Variants in TREM1 observed in about 807,000 individuals in gnomAD.
TREM1 encodes triggering receptor expressed on monocytes 1.
A neutral mutation model predicts 22.4 loss-of-function variants in TREM1; 16 were observed. The ratio of observed to expected loss-of-function variants is 0.71; its 90% CI spans 0.48 to 1.08. TREM1 has a LOEUF of 1.08. TREM1 is among the 50% of genes least tolerant of loss of function. The pLI is 0.00. For synonymous variants in TREM1, 110 were observed against 111.6 expected (o/e 0.99, Z 0.09); for missense variants, 283 against 282.9 (o/e 1.00, Z 0.00).
intron 3 of TREM1, among the ~76,000 whole-genome samples, chr6:41,276,990 AC>A (rs1767696215): frequency 6.6e-6 from 1 of 152,174 alleles, no homozygotes; most frequent in African/African-American, 2.4e-5. Context: ...CTGGACAGCA[AC>A]ATGGTAACGG....
At position 41,275,799 on chromosome 6, in the gene TREM1, G is replaced by T; in HGVS notation, c.*326C>A. ...AGGAGAAGTATCAGGTGTGCCTTCTGCATGTCACAGCCCCCACAAGAGAAT... is the reference window on the plus strand; with the variant it reads ...AGGAGAAGTATCAGGTGTGCCTTCTTCATGTCACAGCCCCCACAAGAGAAT... On this transcript the variant is annotated 3_prime_UTR_variant, in exon 4 of 4. Coordinates refer to ENST00000244709, the MANE Select transcript of TREM1 (RefSeq NM_018643.5). 2.9e-6 allele frequency: 1 copy of T among 350,630 alleles called. No individual in the cohort carries two copies. The highest frequency in any genetic ancestry group is 5.4e-6 in the Non-Finnish European group (1 of 183,700). The allele number at this position is 350,630 out of a possible 1,614,324, so 21.7% of individuals were successfully genotyped here.
At chr6:41,285,188 T>A (rs1370097460) in intron 1 of TREM1, among the ~76,000 whole-genome samples, 2 of 152,164 alleles carry the variant, frequency 1.3e-5, no homozygotes, top group African/African-American at 4.8e-5. Flanking sequence ...AACTTGCCTG[T>A]CTCTCACAGA....
Position 41,280,794 on chromosome 6 carries a change from T to A in TREM1, c.599+167A>T, listed in dbSNP as rs1767874802. 1.8e-5 allele frequency: 27 copies of A among 1,474,168 alleles called. No homozygotes were observed. In the South Asian group the frequency reaches 2.5e-4, roughly 14 times the overall value. 91.3% of individuals were successfully genotyped at this position (1,474,168 alleles called of 1,614,324 possible). On this transcript the variant is annotated intron_variant, in intron 3 of 3. Transcript: ENST00000244709. ...GGCTGAGAGCCTCCCCTATTCTCCA[T>A]CACCACTTCCTTCTTCCCCTGGACA...
chr6:41,279,034 C>G (rs1223322956), intron 3 of TREM1, among the ~76,000 whole-genome samples: 1 of 152,164 alleles, frequency 6.6e-6, no homozygotes, highest in African/African-American at 2.4e-5. Context: ...CTCCCCATGC[C>G]CCAGCAGCAA....
rs1581634893 is a variant in TREM1 at position 41,282,749 on chromosome 6, G to A, written c.52C>T (p.Leu18Phe). ...GLLWMLFVSE[L>F]RAATKLTEEK... ...TCAGTTAATTTAGTTGCAGCTCGGAGTTCTATAAGCAGGGAAAGAGAATGG... is the reference window on the plus strand; with the variant it reads ...TCAGTTAATTTAGTTGCAGCTCGGAATTCTATAAGCAGGGAAAGAGAATGG... The change falls in exon 2 of 4, where the codon CTC (leucine) becomes TTC (phenylalanine). Residue 18 changes from leucine to phenylalanine, a missense_variant and splice_region_variant. By Grantham distance (22) the Leu-to-Phe change is conservative. Coordinates refer to ENST00000244709, the MANE Select transcript of TREM1 (RefSeq NM_018643.5). 3.7e-6 allele frequency: 6 copies of A among 1,611,066 alleles called. No individual in the cohort carries two copies. Among genetic ancestry groups the A allele is most frequent in the Non-Finnish European group, 5.1e-6 (6 of 1,178,366 alleles).
At chr6:41,278,649 C>T (rs1435349298) in intron 3 of TREM1, among the ~76,000 whole-genome samples, 21 of 148,220 alleles carry the variant, frequency 1.4e-4, no homozygotes, top group Admixed American at 1.3e-3. Flanking sequence ...AGAGTGAGAC[C>T]GTGTCTCAAA....
exon 4 of TREM1, chr6:41,267,946 G>A (rs542346004): frequency 1.5e-5 from 6 of 398,492 alleles, no homozygotes; most frequent in Non-Finnish European, 2.2e-5. Flanking sequence ...CAGGGCGTAG[G>A]TTTTCCTTTA....
In TREM1 at chr6:41,275,975, A is replaced by G; in HGVS notation, c.*150T>C. 7.9e-6 allele frequency: 5 copies of G among 635,080 alleles called. 1 individual carries two copies. The South Asian group carries it at 9.4e-5, about 12-fold the overall frequency. The allele number at this position is 635,080 out of a possible 1,614,324, so 39.3% of individuals were successfully genotyped here. On this transcript the variant is annotated 3_prime_UTR_variant, in exon 4 of 4. Transcript: ENST00000244709. ...AGAGGAACGAGGGCAGTGGGCAGGAAGGTGAGACGCTGACTTTAGAAATAG... is the reference window on the plus strand; with the variant it reads ...AGAGGAACGAGGGCAGTGGGCAGGAGGGTGAGACGCTGACTTTAGAAATAG...
intron 3 of TREM1, chr6:41,280,377 AATTCTG>A: frequency 1.0e-6 from 1 of 988,498 alleles, no homozygotes; most frequent in Non-Finnish European, 1.2e-6. Context: ...CATCTGCAAA[AATTCTG>A]ATTCTATTTA....
chr6:41,270,440 TTATATAATATATATATA>T (rs1319694131), downstream of TREM1, among the ~76,000 whole-genome samples: 106 of 72,374 alleles, frequency 1.5e-3, 3 homozygotes, highest in African/African-American at 5.1e-3. Context: ...ATATATGATA[TTATATAATATATATATA>T]TATATATATA....
intron 3 of TREM1, among the ~76,000 whole-genome samples, chr6:41,268,481 G>C (rs1461643088): frequency 6.6e-6 from 1 of 152,166 alleles, no homozygotes; most frequent in Non-Finnish European, 1.5e-5. Flanking sequence ...ATACCAGAAG[G>C]ACCAAGCCAT....
intron 1 of TREM1, among the ~76,000 whole-genome samples, chr6:41,283,320 C>A (rs1194658310): frequency 6.6e-6 from 1 of 152,152 alleles, no homozygotes; most frequent in African/African-American, 2.4e-5. Flanking sequence ...GGTAGCAGAG[C>A]ACCCCTTTCC....
At chr6:41,283,436 C>T (rs1038409901) in intron 1 of TREM1, among the ~76,000 whole-genome samples, 1 of 152,170 alleles carries the variant, frequency 6.6e-6, no homozygotes, top group African/African-American at 2.4e-5. Flanking sequence ...CGGGGCCAGG[C>T]ACAGTGGCTC....
Position 41,273,665 on chromosome 6 carries a change from G to T in TREM1, c.*2460C>A, listed in dbSNP as rs17701319. On this transcript the variant is annotated 3_prime_UTR_variant, in exon 4 of 4. Transcript: ENST00000244709. ...CATAGAATTTAGGGAATCCAGTAAG[G>T]GGTGCTTCAGTATGCTGAGGCTGGC... 0.064 allele frequency among the ~76,000 whole-genome samples: 9,723 copies of T among 152,310 alleles called. 368 individuals carry two copies. The highest frequency in any genetic ancestry group is 0.13 in the Middle Eastern group (39 of 294).
chr6:41,284,913 G>T (rs574769894), intron 1 of TREM1, among the ~76,000 whole-genome samples: 3 of 152,316 alleles, frequency 2.0e-5, no homozygotes, highest in Non-Finnish European at 4.4e-5. Context: ...CTCCAGTCAG[G>T]AATGTGCCTC....
intron 1 of TREM1, among the ~76,000 whole-genome samples, chr6:41,285,342 A>G (rs1468397443): frequency 6.6e-6 from 1 of 152,228 alleles, no homozygotes; most frequent in Non-Finnish European, 1.5e-5. Flanking sequence ...AGACTATCTT[A>G]TTTAATCTTT....
chr6:41,285,673 C>T (rs1768134849), intron 1 of TREM1, among the ~76,000 whole-genome samples: 1 of 152,178 alleles, frequency 6.6e-6, no homozygotes, highest in African/African-American at 2.4e-5. Flanking sequence ...AACCTTCAGC[C>T]CTCTGCCATC....
At chr6:41,271,314 G>A (rs1051809897), downstream of TREM1, among the ~76,000 whole-genome samples, 5 of 152,126 alleles carry the variant, frequency 3.3e-5, no homozygotes, top group African/African-American at 9.7e-5. Flanking sequence ...TGATACCTGT[G>A]AGTCGGTTCC....
rs192650863 is a variant in TREM1, at chr6:41,283,249, G to A, written c.50-498C>T. On this transcript the variant is annotated intron_variant, in intron 1 of 3. Transcript: ENST00000244709. ...CCTTTGGACAAACAGTGAGGAAGCC[G>A]TCTGGAGGGCATGATGGGCATGGAT... is the stretch of plus-strand genomic sequence containing the variant. Among the ~76,000 whole-genome samples, 392 of 152,348 alleles carry A rather than the reference G, an allele frequency of 2.6e-3. 2 individuals carry two copies. Among genetic ancestry groups the A allele is most frequent in the Non-Finnish European group, 4.0e-3 (274 of 68,034 alleles).
Sources: gnomAD v4.1 joint callset for allele counts (sites outside exome capture counted in the v4.1 genomes callset) on GRCh38, gnomAD v4.1.1 for gene constraint, MANE v1.5 for transcripts, NCBI Gene and HGNC (gene_info 2026-07-23, HGNC 2026-07-21) for gene names.